The following STEAP3 variants were observed in gnomAD, a reference collection of about 807,000 sequenced individuals.
STEAP3 encodes the protein metalloreductase STEAP3.
STEAP3 carries 35 observed loss-of-function variants against 34.9 expected under a neutral mutation model. That is an observed-to-expected ratio of 1.00 (90% confidence interval 0.76 to 1.33). STEAP3 has a LOEUF of 1.33. STEAP3 is among the 40% of genes most tolerant of loss of function. The pLI is 0.00. For synonymous variants in STEAP3, 281 were observed against 301.6 expected (o/e 0.93, Z 0.71); for missense variants, 652 against 667.6 (o/e 0.98, Z 0.26).
At chr2:119,238,972 G>T (rs777169927) in intron 2 of STEAP3, among the ~76,000 whole-genome samples, 1 of 152,156 alleles carries the variant, frequency 6.6e-6, no homozygotes, top group East Asian at 1.9e-4. Flanking sequence ...TCAGGGAAGT[G>T]GGGGCGGGGG....
At chr2:119,261,311 C>T (rs1346662205) in intron 5 of STEAP3, among the ~76,000 whole-genome samples, 2 of 152,146 alleles carry the variant, frequency 1.3e-5, no homozygotes, top group African/African-American at 4.8e-5. Context: ...CCAGGAGGCT[C>T]AGTCCATGCA....
At chr2:119,262,493 G>C (rs1342875832) in intron 5 of STEAP3, among the ~76,000 whole-genome samples, 2 of 152,024 alleles carry the variant, frequency 1.3e-5, no homozygotes, top group African/African-American at 4.8e-5. Flanking sequence ...TCCCATCTCA[G>C]CCTCCCAAGT....
chr2:119,225,747 G>A (rs954979252), intron 1 of STEAP3, among the ~76,000 whole-genome samples: 5 of 152,230 alleles, frequency 3.3e-5, no homozygotes, highest in Non-Finnish European at 7.3e-5. Flanking sequence ...TCTGGCTTTG[G>A]AGTCAGATGG....
intron 1 of STEAP3, among the ~76,000 whole-genome samples, chr2:119,226,494 T>A (rs771198535): frequency 6.6e-6 from 1 of 152,168 alleles, no homozygotes; most frequent in Non-Finnish European, 1.5e-5. Context: ...GGGTGTGTGC[T>A]TTTTTCTGCT....
intron 2 of STEAP3, among the ~76,000 whole-genome samples, chr2:119,233,233 T>C (rs2104796038): frequency 6.6e-6 from 1 of 152,290 alleles, no homozygotes; most frequent in South Asian, 2.1e-4. Context: ...GAAGCCTCCT[T>C]CCATGAGTAC....
At position 119,264,552 on chromosome 2, in the gene STEAP3, C is replaced by T. The variant is rs1678048508; in HGVS notation, c.*1214C>T. The T allele has an allele frequency of 6.6e-6, 1 of 152,240 alleles. No individual in the cohort carries two copies. The highest frequency in any genetic ancestry group is 2.4e-5 in the African/African-American group (1 of 41,432). 9.4% of individuals were successfully genotyped at this position (152,240 alleles called of 1,614,324 possible). On this transcript the variant is annotated 3_prime_UTR_variant, in exon 6 of 6. Transcript: ENST00000393110. ...GCCGGGGCCACAGGACGTCTGTCCT[C>T]CAGTCACAGGCCATCCTTGCTGCTC...
At chr2:119,245,173 T>C (rs1284929139) in intron 2 of STEAP3, 1 of 369,808 alleles carries the variant, frequency 2.7e-6, no homozygotes, top group Admixed American at 4.1e-5. Flanking sequence ...TGCATCACAT[T>C]GGTCATGGAA....
chr2:119,232,471 G>C (rs1676971424), intron 2 of STEAP3, among the ~76,000 whole-genome samples: 1 of 152,202 alleles, frequency 6.6e-6, no homozygotes, highest in African/African-American at 2.4e-5. Context: ...CCCATGCCAG[G>C]CATTTGTTAG....
intron 2 of STEAP3, among the ~76,000 whole-genome samples, chr2:119,235,139 C>A (rs1677057184): frequency 1.3e-5 from 2 of 152,206 alleles, no homozygotes; most frequent in Non-Finnish European, 2.9e-5. Context: ...CCCCAGCCTG[C>A]AGTGGGCCTA....
chr2:119,243,393 G>T (rs1307849860), intron 2 of STEAP3, among the ~76,000 whole-genome samples: 1 of 152,220 alleles, frequency 6.6e-6, no homozygotes, highest in Non-Finnish European at 1.5e-5. Flanking sequence ...GTAAGACGGA[G>T]TGAGGCTCTG....
In STEAP3 at chr2:119,245,900, C is replaced by A. The variant is rs1307161135; in HGVS notation, c.434C>A (p.Ser145Tyr). Reference sequence around the variant, plus strand: ...GAGTCCAATGCTGAGTACCTGGCCTCCCTCTTCCCCACTTGCACAGTGGTC... The same window carrying A: ...GAGTCCAATGCTGAGTACCTGGCCTACCTCTTCCCCACTTGCACAGTGGTC... Reference protein sequence around the residue: ...HRESNAEYLASLFPTCTVVKA... With the variant: ...HRESNAEYLAYLFPTCTVVKA... Residue 145 changes from serine (S) to tyrosine (Y), a missense_variant, in exon 3 of 6, where the codon TCC becomes TAC. Physicochemically the swap from Ser to Tyr is moderately radical, Grantham distance 144 (BLOSUM62 -2). Transcript: ENST00000393110. 9 of 1,614,052 alleles carry A rather than the reference C, an allele frequency of 5.6e-6. No homozygotes were observed. Among genetic ancestry groups the A allele is most frequent in the African/African-American group, 1.3e-5 (1 of 75,040 alleles).
At chr2:119,257,668 A>T in intron 5 of STEAP3, 1 of 1,429,358 alleles carries the variant, frequency 7.0e-7, no homozygotes, top group Non-Finnish European at 9.2e-7. Context: ...TGCAGCCAAC[A>T]GTGGCATGCT....
intron 2 of STEAP3, among the ~76,000 whole-genome samples, chr2:119,233,726 A>C (rs891240647): frequency 1.3e-5 from 2 of 152,202 alleles, no homozygotes; most frequent in Non-Finnish European, 1.5e-5. Flanking sequence ...TTAATGTGAC[A>C]AAAAGTGCAG....
rs767817950 is a variant in STEAP3 at position 119,245,816 on chromosome 2, C to T, written c.350C>T (p.Ala117Val). ...CTGTGCAGTCTCAGTGACCAGCTGG[C>T]GGGCAAGATCCTGGTGGATGTGAGC... ...SSLCSLSDQLAGKILVDVSNP... is the reference protein window; with the variant it reads ...SSLCSLSDQLVGKILVDVSNP... Residue 117 changes from alanine (A) to valine (V), a missense_variant, in exon 3 of 6, where the codon GCG (alanine) becomes GTG (valine). Coordinates refer to ENST00000393110, the MANE Select transcript of STEAP3 (RefSeq NM_182915.3). The T allele has an allele frequency of 1.1e-5, 18 of 1,614,058 alleles. No homozygotes were observed. The highest frequency in any genetic ancestry group is 6.6e-5 in the South Asian group (6 of 91,086).
chr2:119,247,268 G>A (rs888480179), intron 3 of STEAP3, among the ~76,000 whole-genome samples: 4 of 152,198 alleles, frequency 2.6e-5, no homozygotes, highest in African/African-American at 9.6e-5. Flanking sequence ...TGCAGCCACA[G>A]CTGCCCATTC....
intron 2 of STEAP3, among the ~76,000 whole-genome samples, chr2:119,243,276 GAA>G (rs1677304658): frequency 6.6e-6 from 1 of 152,206 alleles, no homozygotes; most frequent in African/African-American, 2.4e-5. Context: ...TTGACATTGA[GAA>G]TGCACCCCCT....
chr2:119,257,359 C>A, intron 5 of STEAP3: 1 of 1,365,710 alleles, frequency 7.3e-7, no homozygotes, highest in Non-Finnish European at 9.5e-7. Flanking sequence ...AGAGATAACC[C>A]AGGCCTGCCT....
At chr2:119,243,206 G>A (rs1677302210) in intron 2 of STEAP3, among the ~76,000 whole-genome samples, 1 of 152,204 alleles carries the variant, frequency 6.6e-6, no homozygotes, top group African/African-American at 2.4e-5. Context: ...AGATGAGCAA[G>A]AGGCTAAGGA....
At chr2:119,240,318 T>C (rs2104808574) in intron 2 of STEAP3, among the ~76,000 whole-genome samples, 1 of 152,344 alleles carries the variant, frequency 6.6e-6, no homozygotes, top group South Asian at 2.1e-4. Context: ...AGTCCCCACA[T>C]GGGAGGCGTG....
Sources: allele counts gnomAD v4.1 joint callset (sites outside exome capture counted in the v4.1 genomes callset), GRCh38; gene constraint gnomAD v4.1.1; transcripts MANE v1.5; gene names NCBI Gene and HGNC (gene_info 2026-07-23, HGNC 2026-07-21).